PLAUR: variants seen among roughly 807,000 people sequenced by gnomAD.
PLAUR encodes plasminogen activator, urokinase receptor, also known as urokinase plasminogen activator surface receptor.
In PLAUR, 22 loss-of-function variants were observed where a neutral mutation model predicts 33.4. The ratio of observed to expected loss-of-function variants is 0.66; its 90% CI spans 0.47 to 0.94. The LOEUF is 0.94. Among genes scored for constraint, PLAUR ranks in the 40% least tolerant of loss-of-function variants. The pLI, the probability that PLAUR is intolerant of heterozygous loss-of-function variation, is 0.00. For missense variants in PLAUR, 408 were observed against 434.7 expected (o/e 0.94, Z 0.55); for synonymous variants, 148 against 167.3 (o/e 0.88, Z 0.89).
downstream of PLAUR, among the ~76,000 whole-genome samples, chr19:43,648,133 G>A (rs1331463879): frequency 6.6e-6 from 1 of 151,946 alleles, no homozygotes; most frequent in Non-Finnish European, 1.5e-5. Context: ...AATGTTTCTG[G>A]TTATGCTGAT....
intron 6 of PLAUR, among the ~76,000 whole-genome samples, chr19:43,651,346 G>A (rs1370108827): frequency 6.6e-6 from 1 of 152,082 alleles, no homozygotes; most frequent in African/African-American, 2.4e-5. Flanking sequence ...CAAAGTGCTA[G>A]GATTACAGGC....
intron 5 of PLAUR, among the ~76,000 whole-genome samples, chr19:43,653,904 T>C (rs564771649): frequency 1.3e-5 from 2 of 152,128 alleles, no homozygotes; most frequent in South Asian, 4.2e-4. Context: ...GTCAGGCGGA[T>C]CATGAGGTCA....
rs199803844 is a variant in PLAUR, at chr19:43,652,395, G to A, written c.608-24C>T. On this transcript the variant is annotated intron_variant, in intron 5 of 6. Transcript: ENST00000340093. ...GACTTAGGAGAAGACCAGAGACACA[G>A]AGACCAAGAAAATTAGTGCTTGGAT... 1,042 of 1,609,678 alleles carry A rather than the reference G, an allele frequency of 6.5e-4. 1 individual carries two copies. Among genetic ancestry groups the A allele is most frequent in the Non-Finnish European group, 8.2e-4 (960 of 1,176,750 alleles).
At chr19:43,665,776 G>A (rs1009275447) in intron 2 of PLAUR, among the ~76,000 whole-genome samples, 4 of 66,702 alleles carry the variant, frequency 6.0e-5, no homozygotes, top group African/African-American at 2.2e-4. Context: ...AAGCAGTCCT[G>A]CTTCGGCCTC....
chr19:43,666,061 C>T (rs922334340), intron 2 of PLAUR, among the ~76,000 whole-genome samples: 2 of 151,618 alleles, frequency 1.3e-5, no homozygotes, highest in Non-Finnish European at 2.9e-5. Flanking sequence ...TGAGATGCCT[C>T]AAATGTAACT....
chr19:43,646,172 C>T (rs751270323), downstream of PLAUR: 5 of 267,698 alleles, frequency 1.9e-5, no homozygotes, highest in Non-Finnish European at 2.9e-5. Flanking sequence ...CTCCTGAGCT[C>T]AAGAGATCTT....
rs34689348 is a variant in PLAUR, at chr19:43,655,276, CAA to C, written c.607+161_607+162del. On this transcript the variant is annotated intron_variant, in intron 5 of 6. Coordinates refer to ENST00000340093, the MANE Select transcript of PLAUR (RefSeq NM_002659.4). ...TGGGCAACAGAGTGAGACTCCGTCT[CAA>C]AAAAAAAAAAAAAAAAAAAAAGGCC... 3.2e-4 allele frequency among the ~76,000 whole-genome samples: 21 copies of C among 66,186 alleles called. 1 individual carries two copies. The Middle Eastern group carries it at 0.03, about 94-fold the overall frequency. The allele number at this position is 66,186 out of a possible 152,430, so 43.4% of individuals were successfully genotyped here.
chr19:43,658,159 C>T (rs982759981), intron 3 of PLAUR, among the ~76,000 whole-genome samples: 2 of 152,188 alleles, frequency 1.3e-5, no homozygotes, highest in Non-Finnish European at 2.9e-5. Context: ...CTGGCTCTCT[C>T]ACTTGGATCA....
At chr19:43,649,601 G>A (rs370381308) in intron 6 of PLAUR, among the ~76,000 whole-genome samples, 17 of 147,972 alleles carry the variant, frequency 1.1e-4, no homozygotes, top group African/African-American at 4.0e-4. Context: ...AAGAAGGAAG[G>A]GAGGAAGGGA....
chr19:43,668,016 A>G, intron 1 of PLAUR: 9 of 1,148,248 alleles, frequency 7.8e-6, no homozygotes, highest in Non-Finnish European at 9.7e-6. Context: ...AGTACGTTCT[A>G]TTCCTGCTCC....
intron 3 of PLAUR, among the ~76,000 whole-genome samples, chr19:43,663,300 T>TACACACACAC (rs59542257): frequency 1.1e-4 from 14 of 131,908 alleles, no homozygotes; most frequent in African/African-American, 1.7e-4. Flanking sequence ...CTGTCACCCC[T>TACACACACAC]ACACACACAC....
chr19:43,647,088 C>G (rs568392116), downstream of PLAUR, among the ~76,000 whole-genome samples: 36 of 152,246 alleles, frequency 2.4e-4, no homozygotes, highest in Middle Eastern at 3.4e-3. Flanking sequence ...CCGAAGATAT[C>G]TTATTTTTTC....
intron 3 of PLAUR, among the ~76,000 whole-genome samples, chr19:43,663,509 C>T (rs142109087): frequency 1.3e-5 from 2 of 152,070 alleles, no homozygotes; most frequent in East Asian, 1.9e-4. Context: ...AGGCCGGGCA[C>T]GGTGGCTCAC....
At chr19:43,655,981 G>A (rs4251880) in intron 4 of PLAUR, among the ~76,000 whole-genome samples, 9,771 of 152,148 alleles carry the variant, frequency 0.064, 372 homozygotes, top group Middle Eastern at 0.18. Flanking sequence ...GTGGCCGGGC[G>A]TGGTGGCTCA....
At chr19:43,665,279 G>T in intron 3 of PLAUR, 37 bp downstream of exon 3, 1 of 1,606,610 alleles carries the variant, frequency 6.2e-7, no homozygotes, top group Non-Finnish European at 8.5e-7. Flanking sequence ...GCTGGGGATG[G>T]CTTGGGGTTG....
chr19:43,646,795 T>C, downstream of PLAUR, among the ~76,000 whole-genome samples: 1 of 146,410 alleles, frequency 6.8e-6, no homozygotes, highest in African/African-American at 2.6e-5. Flanking sequence ...TGTCTTTTTT[T>C]TTTTTTTTTT....
intron 3 of PLAUR, among the ~76,000 whole-genome samples, chr19:43,658,867 A>G (rs1255383585): frequency 1.3e-5 from 2 of 152,208 alleles, no homozygotes; most frequent in African/African-American, 4.8e-5. Flanking sequence ...CTTCCATGAA[A>G]ATGAAAACAC....
downstream of PLAUR, among the ~76,000 whole-genome samples, chr19:43,646,749 C>A (rs1035710701): frequency 2.0e-5 from 3 of 151,098 alleles, no homozygotes; most frequent in African/African-American, 7.3e-5. Context: ...TAAACAAGAA[C>A]CTTGTCCCTC....
downstream of PLAUR, among the ~76,000 whole-genome samples, chr19:43,646,788 CTTTTTTTTTTT>C (rs71169269): frequency 0.014 from 1,450 of 104,920 alleles, 43 homozygotes; most frequent in African/African-American, 0.05. Context: ...TGGAAGATGT[CTTTTTTTTTTT>C]TTTTTTTTTT....
Sources: allele counts gnomAD v4.1 joint callset (sites outside exome capture counted in the v4.1 genomes callset), GRCh38; gene constraint gnomAD v4.1.1; transcripts MANE v1.5; gene names NCBI Gene and HGNC (gene_info 2026-07-23, HGNC 2026-07-21).